DCDC1: variants seen among roughly 807,000 people sequenced by gnomAD.
DCDC1 encodes the protein doublecortin domain-containing protein 1.
DCDC1 carries 200 observed loss-of-function variants against 178.3 expected under a neutral mutation model. The observed-to-expected ratio is 1.12, with a 90% CI of 1.00 to 1.26. The LOEUF (loss-of-function observed/expected upper bound fraction) is 1.26. Ranked by LOEUF, DCDC1 falls within the 50% of genes most tolerant of loss-of-function variation. The pLI is 0.00. For missense variants in DCDC1, 1,983 were observed against 1,749.2 expected (o/e 1.13, Z -2.38); for synonymous variants, 690 against 604.8 (o/e 1.14, Z -2.07).
At chr11:31,017,086 A>C (rs957658730) in intron 20 of DCDC1, among the ~76,000 whole-genome samples, 3 of 152,238 alleles carry the variant, frequency 2.0e-5, no homozygotes, top group Non-Finnish European at 4.4e-5. Flanking sequence ...CTACTGTAAC[A>C]ATATGGCATG....
chr11:30,903,399 C>A, intron 32 of DCDC1, 83 bp downstream of exon 32: 1 of 1,269,788 alleles, frequency 7.9e-7, no homozygotes, highest in Non-Finnish European at 1.0e-6. Context: ...TCTGAAAAAA[C>A]TGACTAAATG....
intron 20 of DCDC1, among the ~76,000 whole-genome samples, chr11:31,012,189 A>C (rs965581924): frequency 1.3e-5 from 2 of 152,182 alleles, no homozygotes; most frequent in African/African-American, 2.4e-5. Context: ...AGCGAATTAA[A>C]CTTCTTTTCT....
chr11:31,333,266 C>T (rs1565623170), intron 2 of DCDC1, among the ~76,000 whole-genome samples: 1 of 152,088 alleles, frequency 6.6e-6, no homozygotes, highest in African/African-American at 2.4e-5. Context: ...TATTTTGAGC[C>T]TATGTGTGTC....
intron 7 of DCDC1, among the ~76,000 whole-genome samples, chr11:31,279,982 G>A (rs1946308228): frequency 6.6e-6 from 1 of 151,748 alleles, no homozygotes; most frequent in African/African-American, 2.4e-5. Context: ...AATCAATTTT[G>A]CCTGCCTAAA....
At chr11:30,976,432 G>A (rs1950105260) in intron 20 of DCDC1, among the ~76,000 whole-genome samples, 1 of 151,846 alleles carries the variant, frequency 6.6e-6, no homozygotes, top group African/African-American at 2.4e-5. Context: ...CAAACTATTT[G>A]TCTGACAAGG....
At chr11:31,052,310 T>C (rs1955311039) in intron 20 of DCDC1, among the ~76,000 whole-genome samples, 1 of 152,114 alleles carries the variant, frequency 6.6e-6, no homozygotes, top group East Asian at 1.9e-4. Flanking sequence ...ATCACAATCC[T>C]CAACATATAT....
At chr11:30,980,884 A>G (rs1476647787) in intron 20 of DCDC1, among the ~76,000 whole-genome samples, 4 of 152,162 alleles carry the variant, frequency 2.6e-5, no homozygotes, top group Admixed American at 6.5e-5. Flanking sequence ...AGAAATCACT[A>G]TATCAAAAAG....
At chr11:31,262,880 G>T in intron 8 of DCDC1, 1 of 533,230 alleles carries the variant, frequency 1.9e-6, no homozygotes, top group Non-Finnish European at 3.2e-6. Context: ...CAGTGAACTT[G>T]TAATGCTTCC....
In DCDC1 at chr11:31,079,696, GA is replaced by G. The variant is rs879876190; in HGVS notation, c.2238-1772del. Among the ~76,000 whole-genome samples the G allele has an allele frequency of 2.3e-4, 34 of 147,812 alleles. 1 individual carries two copies. Among genetic ancestry groups the G allele is most frequent in the Non-Finnish European group, 2.4e-4 (16 of 66,796 alleles). On this transcript the variant is annotated intron_variant, in intron 17 of 38. Coordinates refer to ENST00000684477, the MANE Select transcript of DCDC1 (RefSeq NM_001387274.1). ...TGAGAACTGAAGAATTGCTTGATGTGAAAAAAAAAATAACACATCTAATATC... is the reference window on the plus strand; with the variant it reads ...TGAGAACTGAAGAATTGCTTGATGTGAAAAAAAAATAACACATCTAATATC...
At chr11:31,008,886 T>C (rs1952004975) in intron 20 of DCDC1, among the ~76,000 whole-genome samples, 5 of 152,178 alleles carry the variant, frequency 3.3e-5, no homozygotes, top group Admixed American at 3.3e-4. Flanking sequence ...TGAAATGTTT[T>C]AAATGGCAAA....
rs191113230 is a variant in DCDC1 at position 31,237,486 on chromosome 11, A to G, written c.1221+3964T>C. ...TATATAACAGCATCCAAAAAAGTTA[A>G]CTTGCTTAAATTAATAAACAAAAGA... On this transcript the variant is annotated intron_variant, in intron 9 of 38. Transcript: ENST00000684477. 2.8e-4 allele frequency among the ~76,000 whole-genome samples: 43 copies of G among 152,108 alleles called. 1 individual carries two copies. In the East Asian group the frequency reaches 8.3e-3, roughly 29 times the overall value.
chr11:30,903,623 T>C lies in DCDC1; in HGVS notation c.4369A>G (p.Lys1457Glu), dbSNP rs1046937213. Residue 1457 changes from lysine (K) to glutamate (E), a missense_variant, in exon 32 of 39, where the codon AAA becomes GAA. Physicochemically the swap from Lys to Glu is moderately conservative, Grantham distance 56 (BLOSUM62 1). Coordinates refer to ENST00000684477, the MANE Select transcript of DCDC1 (RefSeq NM_001387274.1). ...LARAASKVYTKDGTPIFTLRD... is the reference protein window; with the variant it reads ...LARAASKVYTEDGTPIFTLRD... Reference sequence around the variant, plus strand: ...AAGGTAAAGATTGGGGTTCCATCTTTGGTATATACTTTGGAGGCTGCTCTG... The same window carrying C: ...AAGGTAAAGATTGGGGTTCCATCTTCGGTATATACTTTGGAGGCTGCTCTG... 6.2e-7 allele frequency: 1 copy of C among 1,611,602 alleles called. No homozygotes were observed. Among genetic ancestry groups the C allele is most frequent in the Admixed American group, 1.7e-5 (1 of 59,730 alleles).
chr11:30,882,480 A>G (rs1942776932), intron 36 of DCDC1: 1 of 152,112 alleles, frequency 6.6e-6, no homozygotes, highest in Non-Finnish European at 1.5e-5. Flanking sequence ...TCTAGGGTAC[A>G]TGTGCACAAT....
rs1946291021 is a variant in DCDC1 at position 30,922,143 on chromosome 11, A to G, written c.3133+360T>C. 2.6e-5 allele frequency among the ~76,000 whole-genome samples: 4 copies of G among 152,214 alleles called. No individual in the cohort carries two copies. In the South Asian group the frequency reaches 8.3e-4, roughly 32 times the overall value. On this transcript the variant is annotated intron_variant, in intron 24 of 38. Transcript: ENST00000684477. Reference sequence around the variant, plus strand: ...CCCAAGTGCTTTTTTTCTATCTTAGAGTGGAACTTAACGTGAGATTCTGGA... The same window carrying G: ...CCCAAGTGCTTTTTTTCTATCTTAGGGTGGAACTTAACGTGAGATTCTGGA...
intron 20 of DCDC1, among the ~76,000 whole-genome samples, chr11:30,997,662 A>G (rs1294520236): frequency 6.6e-6 from 1 of 152,224 alleles, no homozygotes; most frequent in Non-Finnish European, 1.5e-5. Context: ...TACAGATGAT[A>G]GGAGCCTGGC....
chr11:30,983,643 T>A (rs920278303), intron 20 of DCDC1, among the ~76,000 whole-genome samples: 12 of 152,222 alleles, frequency 7.9e-5, no homozygotes, highest in Non-Finnish European at 1.3e-4. Context: ...CAATTTATAT[T>A]TTTAAAAAAT....
chr11:31,029,066 C>T (rs565419687), intron 20 of DCDC1, among the ~76,000 whole-genome samples: 2 of 152,142 alleles, frequency 1.3e-5, no homozygotes, highest in East Asian at 1.9e-4. Flanking sequence ...CTCTAAACTT[C>T]GATCAGTGAG....
At chr11:31,107,724 A>G (rs1958943287) in intron 12 of DCDC1, among the ~76,000 whole-genome samples, 1 of 152,208 alleles carries the variant, frequency 6.6e-6, no homozygotes, top group African/African-American at 2.4e-5. Flanking sequence ...ATTTGAAAAG[A>G]CATTTTTCAT....
intron 2 of DCDC1, among the ~76,000 whole-genome samples, chr11:31,333,209 C>A (rs1950093087): frequency 6.6e-6 from 1 of 152,058 alleles, no homozygotes; most frequent in South Asian, 2.1e-4. Context: ...GCAACCCCTG[C>A]TCTTTTTTTG....
Sources: gnomAD v4.1 joint callset for allele counts (sites outside exome capture counted in the v4.1 genomes callset) on GRCh38, gnomAD v4.1.1 for gene constraint, MANE v1.5 for transcripts, NCBI Gene and HGNC (gene_info 2026-07-23, HGNC 2026-07-21) for gene names.